SCRN1: variants seen among roughly 807,000 people sequenced by gnomAD.
The protein encoded by SCRN1 is secernin 1.
SCRN1 carries 19 observed loss-of-function variants against 43.3 expected under a neutral mutation model. The observed-to-expected ratio is 0.44, with a 90% CI of 0.31 to 0.64. The LOEUF (loss-of-function observed/expected upper bound fraction) is 0.64, where lower values mean the gene tolerates loss of function less well. Ranked by LOEUF, SCRN1 falls within the 30% of genes least tolerant of loss-of-function variation. The pLI is 0.09. For missense variants in SCRN1, 447 were observed against 524.1 expected (o/e 0.85, Z 1.44); for synonymous variants, 183 against 188.9 (o/e 0.97, Z 0.26).
intron 3 of SCRN1, among the ~76,000 whole-genome samples, chr7:29,951,590 A>C (rs540279104): frequency 1.3e-5 from 2 of 152,306 alleles, no homozygotes; most frequent in East Asian, 3.9e-4. Flanking sequence ...ATTACTTGGA[A>C]CCAACTTCAT....
In SCRN1 at chr7:29,957,725, A is replaced by G. The variant is rs190698894; in HGVS notation, c.160-2365T>C. 1.1e-3 allele frequency among the ~76,000 whole-genome samples: 175 copies of G among 152,322 alleles called. 1 individual carries two copies. The highest frequency in any genetic ancestry group is 4.0e-3 in the African/African-American group (166 of 41,566). On this transcript the variant is annotated intron_variant, in intron 2 of 7. Transcript: ENST00000242059. ...GAAACACATCCGCATGGTCCGCTAGAGGCTGTATCACGTGGGAGAAATCTG... is the reference window on the plus strand; with the variant it reads ...GAAACACATCCGCATGGTCCGCTAGGGGCTGTATCACGTGGGAGAAATCTG...
chr7:29,963,377 T>TA (rs1437695935), intron 2 of SCRN1, among the ~76,000 whole-genome samples: 1 of 151,996 alleles, frequency 6.6e-6, no homozygotes, highest in East Asian at 1.9e-4. Context: ...CCTGGAAGGA[T>TA]AAACAGGAGT....
At chr7:29,979,793 A>G (rs1788944161) in intron 1 of SCRN1, among the ~76,000 whole-genome samples, 1 of 152,246 alleles carries the variant, frequency 6.6e-6, no homozygotes, top group Non-Finnish European at 1.5e-5. Context: ...TGCATTAAGG[A>G]ACAGATAACT....
At position 29,938,115 on chromosome 7, in the gene SCRN1, G is replaced by A. The variant is rs181536349; in HGVS notation, c.740-1394C>T. 1.5e-3 allele frequency among the ~76,000 whole-genome samples: 232 copies of A among 151,860 alleles called. 1 individual carries two copies. Among genetic ancestry groups the A allele is most frequent in the South Asian group, 0.014 (67 of 4,802 alleles). ...GCAATCTTGGCTCACTGCATCCTCC[G>A]CCTCCCAGATTCAAGTGATTCGCCC... On this transcript the variant is annotated intron_variant, in intron 5 of 7. Coordinates refer to ENST00000242059, the MANE Select transcript of SCRN1 (RefSeq NM_014766.5).
intron 2 of SCRN1, among the ~76,000 whole-genome samples, chr7:29,967,382 T>G (rs987537870): frequency 2.6e-5 from 4 of 151,142 alleles, no homozygotes; most frequent in African/African-American, 9.8e-5. Flanking sequence ...AAATAGAAAT[T>G]CATGTATACT....
chr7:29,929,083 G>C (rs1190207258), intron 6 of SCRN1, among the ~76,000 whole-genome samples: 1 of 152,198 alleles, frequency 6.6e-6, no homozygotes, highest in Non-Finnish European at 1.5e-5. Flanking sequence ...ACCCTTGAGG[G>C]CCAGACAGCA....
chr7:29,953,047 C>T (rs1159993474), intron 3 of SCRN1, among the ~76,000 whole-genome samples: 2 of 152,238 alleles, frequency 1.3e-5, no homozygotes, highest in African/African-American at 4.8e-5. Context: ...GTCTACCTCC[C>T]TCAGCCTTGC....
chr7:29,969,878 GTTCT>G (rs1401331100), intron 1 of SCRN1: 1 of 456,370 alleles, frequency 2.2e-6, no homozygotes, highest in Admixed American at 2.3e-5. Context: ...CCTTTTCAAG[GTTCT>G]TTATCTTGGT....
intron 3 of SCRN1, among the ~76,000 whole-genome samples, chr7:29,946,334 A>G (rs1787737781): frequency 6.6e-6 from 1 of 152,110 alleles, no homozygotes; most frequent in African/African-American, 2.4e-5. Flanking sequence ...GCCTCTCAGA[A>G]CCCCACGTTG....
intron 5 of SCRN1, among the ~76,000 whole-genome samples, chr7:29,937,855 C>G (rs1446581301): frequency 6.6e-6 from 1 of 152,194 alleles, no homozygotes; most frequent in African/African-American, 2.4e-5. Context: ...TTGGCACATT[C>G]ACATCCTCTT....
At chr7:29,928,648 T>TG (rs1252294867) in intron 6 of SCRN1, among the ~76,000 whole-genome samples, 1 of 152,050 alleles carries the variant, frequency 6.6e-6, no homozygotes, top group East Asian at 1.9e-4. Context: ...TGCGCCCACC[T>TG]GCTCAAAGTC....
chr7:29,924,216 G>T, intron 7 of SCRN1, 101 bp from the exon 8 acceptor site: 1 of 1,177,042 alleles, frequency 8.5e-7, no homozygotes, highest in Non-Finnish European at 1.2e-6. Flanking sequence ...CCTGCTCAAG[G>T]TCCTGTCCTC....
intron 2 of SCRN1, among the ~76,000 whole-genome samples, chr7:29,962,481 G>A (rs938297515): frequency 6.6e-6 from 1 of 151,838 alleles, no homozygotes; most frequent in African/African-American, 2.4e-5. Flanking sequence ...GAGCTCAGGA[G>A]TTTTGAGACC....
At chr7:29,949,321 G>GA (rs80100397) in intron 3 of SCRN1, among the ~76,000 whole-genome samples, 61 of 129,574 alleles carry the variant, frequency 4.7e-4, no homozygotes, top group African/African-American at 6.7e-4. Context: ...TCTAAAAAAA[G>GA]AAAAAAAAAA....
At chr7:29,989,595 C>T in intron 1 of SCRN1, 47 bp downstream of exon 1, 1 of 985,688 alleles carries the variant, frequency 1.0e-6, no homozygotes, top group Non-Finnish European at 1.2e-6. Flanking sequence ...GTGAAACCGC[C>T]GGGAAAGCAG....
rs774357879 is a variant in SCRN1 at position 29,944,083 on chromosome 7, A to C, written c.438T>G (p.Asp146Glu). The change falls in exon 4 of 8, where the codon GAT (aspartate) becomes GAG (glutamate). Residue 146 changes from aspartate (D) to glutamate (E), a missense_variant. Transcript: ENST00000242059. Reference protein sequence around the residue: ...EHGQGGNYFEDANSCHSFQSA... With the variant: ...EHGQGGNYFEEANSCHSFQSA... ...TTTGGAAGCTGTGGCAGGAGTTTGC[A>C]TCTTCAAAGTAATTCCCACCTTGTC... is the stretch of plus-strand genomic sequence containing the variant. 1 of 1,614,204 alleles carries C rather than the reference A, an allele frequency of 6.2e-7. No individual in the cohort carries two copies. Among genetic ancestry groups the C allele is most frequent in the Non-Finnish European group, 8.5e-7 (1 of 1,180,028 alleles).
chr7:29,960,389 T>G (rs541446038), intron 2 of SCRN1, among the ~76,000 whole-genome samples: 16 of 152,008 alleles, frequency 1.1e-4, no homozygotes, highest in African/African-American at 3.9e-4. Context: ...AGACAAAAAT[T>G]TAAGCTAATT....
chr7:29,968,819 G>A, intron 2 of SCRN1, 90 bp downstream of exon 2: 2 of 1,499,068 alleles, frequency 1.3e-6, no homozygotes, highest in Non-Finnish European at 1.8e-6. Flanking sequence ...TGACTTGTGA[G>A]CAAGCTTCCA....
chr7:29,966,203 G>GA (rs1369262194), intron 2 of SCRN1, among the ~76,000 whole-genome samples: 4 of 147,644 alleles, frequency 2.7e-5, no homozygotes, highest in Non-Finnish European at 6.0e-5. Flanking sequence ...GAGAGAGAGA[G>GA]AAGCTGTATC....
Sources: gnomAD v4.1 joint callset for allele counts (sites outside exome capture counted in the v4.1 genomes callset) on GRCh38, gnomAD v4.1.1 for gene constraint, MANE v1.5 for transcripts, NCBI Gene and HGNC (gene_info 2026-07-23, HGNC 2026-07-21) for gene names.